TMEM132D: variants seen among roughly 807,000 people sequenced by gnomAD.
TMEM132D encodes mature OL transmembrane protein.
In TMEM132D, 21 loss-of-function variants were observed where a neutral mutation model predicts 62.3. The ratio of observed to expected loss-of-function variants is 0.34; its 90% confidence interval spans 0.24 to 0.49. The LOEUF (loss-of-function observed/expected upper bound fraction) is 0.49. Among genes scored for constraint, TMEM132D ranks in the 20% least tolerant of loss-of-function variants. The pLI, the probability that TMEM132D is intolerant of heterozygous loss-of-function variation, is 0.99. For synonymous variants in TMEM132D, 621 were observed against 575.6 expected, an observed-to-expected ratio of 1.08 and a Z score of -1.13; for missense variants, 1,346 against 1,402.8, an observed-to-expected ratio of 0.96 and a Z score of 0.65.
At chr12:129,558,269 T>C (rs1221703389) in intron 2 of TMEM132D, among the ~76,000 whole-genome samples, 6 of 152,174 alleles carry the variant, frequency 3.9e-5, no homozygotes, top group Non-Finnish European at 8.8e-5. Flanking sequence ...GAAATGCTTC[T>C]ACATGGAAGT....
At chr12:129,561,799 G>A (rs941088803) in intron 2 of TMEM132D, among the ~76,000 whole-genome samples, 4 of 152,134 alleles carry the variant, frequency 2.6e-5, no homozygotes, top group African/African-American at 9.7e-5. Flanking sequence ...GAGATATTAA[G>A]AATATAAATC....
At position 129,147,536 on chromosome 12, in the gene TMEM132D, T is replaced by C. The variant is rs117830746; in HGVS notation, c.1443+61984A>G. On this transcript the variant is annotated intron_variant, in intron 5 of 8. Coordinates refer to ENST00000422113, the MANE Select transcript of TMEM132D (RefSeq NM_133448.3). ...AATGTATCCATTCCTCCATCCAGTTTCCAATGCTGTCAACTAACCTATCAT... is the reference window on the plus strand; with the variant it reads ...AATGTATCCATTCCTCCATCCAGTTCCCAATGCTGTCAACTAACCTATCAT... Among the ~76,000 whole-genome samples, 71 of 152,270 alleles carry C rather than the reference T, an allele frequency of 4.7e-4. No individual in the cohort carries two copies. The East Asian group carries it at 0.013, about 27-fold the overall frequency.
intron 3 of TMEM132D, among the ~76,000 whole-genome samples, chr12:129,513,877 G>C (rs953879805): frequency 1.4e-5 from 2 of 144,916 alleles, no homozygotes; most frequent in African/African-American, 2.5e-5. Flanking sequence ...TCGCTCTGTC[G>C]CCCAGGCTGG....
chr12:129,602,685 T>C (rs147149333), intron 2 of TMEM132D, among the ~76,000 whole-genome samples: 142 of 152,274 alleles, frequency 9.3e-4, no homozygotes, highest in African/African-American at 3.1e-3. Flanking sequence ...CAGAGATTTC[T>C]CATACATCCC....
chr12:129,619,451 A>C (rs1407132457), intron 2 of TMEM132D, among the ~76,000 whole-genome samples: 1 of 152,180 alleles, frequency 6.6e-6, no homozygotes, highest in African/African-American at 2.4e-5. Context: ...CTTATGACCT[A>C]ATTAAATATG....
At chr12:129,702,088 T>G (rs984811929) in intron 1 of TMEM132D, among the ~76,000 whole-genome samples, 2 of 152,170 alleles carry the variant, frequency 1.3e-5, no homozygotes, top group Non-Finnish European at 2.9e-5. Context: ...TCAGGCTGCA[T>G]CCAGTTTAAC....
chr12:129,211,200 G>T (rs1406354451), intron 4 of TMEM132D, among the ~76,000 whole-genome samples: 7 of 152,130 alleles, frequency 4.6e-5, no homozygotes, highest in Non-Finnish European at 7.3e-5. Flanking sequence ...CATTCCAGTG[G>T]TGTCCCTAAG....
chr12:129,222,042 A>G (rs1371154843), intron 4 of TMEM132D, among the ~76,000 whole-genome samples: 2 of 152,204 alleles, frequency 1.3e-5, no homozygotes, highest in Non-Finnish European at 2.9e-5. Flanking sequence ...CTTAAAGTAC[A>G]TCAGCTCTTG....
intron 5 of TMEM132D, among the ~76,000 whole-genome samples, chr12:129,205,357 A>T (rs190811997): frequency 6.2e-4 from 92 of 147,434 alleles, no homozygotes; most frequent in African/African-American, 2.2e-3. Context: ...AAAAAGCAAG[A>T]GTTACAATCC....
chr12:129,561,305 T>C (rs1877220615), intron 2 of TMEM132D, among the ~76,000 whole-genome samples: 1 of 152,364 alleles, frequency 6.6e-6, no homozygotes, highest in East Asian at 1.9e-4. Context: ...ATCCTTCAAA[T>C]GCCTTGCATG....
At chr12:129,710,528 C>T (rs897696747) in intron 1 of TMEM132D, among the ~76,000 whole-genome samples, 5 of 152,156 alleles carry the variant, frequency 3.3e-5, no homozygotes, top group Non-Finnish European at 5.9e-5. Context: ...AACTCCCGAC[C>T]TCAGGTGATC....
At chr12:129,586,342 T>C (rs1878029532) in intron 2 of TMEM132D, among the ~76,000 whole-genome samples, 1 of 152,204 alleles carries the variant, frequency 6.6e-6, no homozygotes, top group Admixed American at 6.5e-5. Context: ...AACATTAAGA[T>C]GAAACTGTGA....
At chr12:129,410,349 T>TTTTG (rs59366781) in intron 3 of TMEM132D, among the ~76,000 whole-genome samples, 109,354 of 150,338 alleles carry the variant, frequency 0.73, 40,245 homozygotes, top group Middle Eastern at 0.79. Context: ...GAAAAAAAGG[T>TTTTG]TTTGTTTGTT....
At chr12:129,406,154 C>T (rs1277687118) in intron 3 of TMEM132D, among the ~76,000 whole-genome samples, 1 of 152,186 alleles carries the variant, frequency 6.6e-6, no homozygotes, top group Non-Finnish European at 1.5e-5. Context: ...TTCAGCTTTA[C>T]AACATACACC....
chr12:129,134,116 T>TTG (rs141367054), intron 5 of TMEM132D, among the ~76,000 whole-genome samples: 124,613 of 144,394 alleles, frequency 0.86, 54,205 homozygotes, highest in Non-Finnish European at 0.97. Context: ...TGTCTGTGTG[T>TTG]TGTGTGTGTG....
At chr12:129,406,181 T>C (rs1459295928) in intron 3 of TMEM132D, among the ~76,000 whole-genome samples, 1 of 152,214 alleles carries the variant, frequency 6.6e-6, no homozygotes, top group Non-Finnish European at 1.5e-5. Flanking sequence ...AAACAGCACG[T>C]TTGTATACAT....
At chr12:129,235,674 T>C (rs1292841764) in intron 4 of TMEM132D, among the ~76,000 whole-genome samples, 2 of 152,178 alleles carry the variant, frequency 1.3e-5, no homozygotes, top group South Asian at 4.1e-4. Flanking sequence ...AACCTATACG[T>C]TTCTGTGCAG....
intron 1 of TMEM132D, among the ~76,000 whole-genome samples, chr12:129,866,926 T>C (rs977283633): frequency 2.0e-5 from 3 of 152,084 alleles, no homozygotes; most frequent in African/African-American, 7.2e-5. Context: ...GTGGGGTGTA[T>C]ATATACATGG....
chr12:129,261,612 T>C (rs1306738365), intron 4 of TMEM132D, among the ~76,000 whole-genome samples: 1 of 152,168 alleles, frequency 6.6e-6, no homozygotes, highest in African/African-American at 2.4e-5. Flanking sequence ...AGAAATTTAT[T>C]TTCTCCTAGT....
Sources: gnomAD v4.1 joint callset for allele counts (sites outside exome capture counted in the v4.1 genomes callset) on GRCh38, gnomAD v4.1.1 for gene constraint, MANE v1.5 for transcripts, NCBI Gene and HGNC (gene_info 2026-07-23, HGNC 2026-07-21) for gene names.